Variants in DLG2 observed in about 807,000 individuals in gnomAD.
DLG2 encodes the protein discs large MAGUK scaffold protein 2.
DLG2 carries 45 observed loss-of-function variants against 132.5 expected under a neutral mutation model. The observed-to-expected ratio is 0.34, with a 90% confidence interval of 0.27 to 0.44. The LOEUF (loss-of-function observed/expected upper bound fraction) is 0.44. DLG2 is among the 20% of genes least tolerant of loss of function. The probability of loss-of-function intolerance (pLI) is 1.00; values close to 1 mark genes in which losing one functional copy is unlikely to be tolerated. For missense variants in DLG2, 1,045 were observed against 1,196.9 expected (o/e 0.87, Z 1.87); for synonymous variants, 424 against 419.6 (o/e 1.01, Z -0.13).
chr11:84,211,508 G>A (rs1051059879), intron 8 of DLG2, among the ~76,000 whole-genome samples: 4 of 152,148 alleles, frequency 2.6e-5, no homozygotes, highest in South Asian at 2.1e-4. Context: ...GCCTCCCAAA[G>A]TGCTGGGATT....
chr11:85,108,494 C>T (rs1456533796), intron 6 of DLG2, among the ~76,000 whole-genome samples: 2 of 151,964 alleles, frequency 1.3e-5, no homozygotes, highest in Admixed American at 1.3e-4. Flanking sequence ...GAATTTCATA[C>T]ATATCATAGT....
At chr11:83,963,103 A>G in intron 13 of DLG2, 80 bp from the exon 14 acceptor site, 2 of 1,482,902 alleles carry the variant, frequency 1.3e-6, no homozygotes, top group Middle Eastern at 1.8e-4. Context: ...AGAAAAATGT[A>G]TTAAAAACAG....
chr11:84,075,855 T>C (rs546541754), intron 10 of DLG2, among the ~76,000 whole-genome samples: 18 of 152,326 alleles, frequency 1.2e-4, no homozygotes, highest in African/African-American at 3.8e-4. Context: ...TTTGAGATTA[T>C]TGGTGACATT....
chr11:85,005,923 T>C (rs2058619072), intron 6 of DLG2, among the ~76,000 whole-genome samples: 1 of 152,248 alleles, frequency 6.6e-6, no homozygotes, highest in South Asian at 2.1e-4. Context: ...ATTGAGAGTT[T>C]TTAGCATGAA....
At chr11:83,603,748 G>A (rs2058920130) in intron 19 of DLG2, among the ~76,000 whole-genome samples, 1 of 152,058 alleles carries the variant, frequency 6.6e-6, no homozygotes. Flanking sequence ...TTTTAAGCAT[G>A]TTTTCATATG....
intron 3 of DLG2, among the ~76,000 whole-genome samples, chr11:85,595,024 C>T (rs1368432380): frequency 6.9e-6 from 1 of 145,196 alleles, no homozygotes; most frequent in Non-Finnish European, 1.5e-5. Context: ...GATATCGCAC[C>T]ACTGCACTCC....
rs573300219 is a variant in DLG2 at position 84,930,195 on chromosome 11, T to C, written c.357+181466A>G. ...ATCAGCCCCTACAGAGTCTTTTTTC[T>C]GAATGCCTTCAACATGTATTATTTG... On this transcript the variant is annotated intron_variant, in intron 6 of 27. Transcript: ENST00000376104. Among the ~76,000 whole-genome samples, 6 of 152,304 alleles carry C rather than the reference T, an allele frequency of 3.9e-5. No individual in the cohort carries two copies. The East Asian group carries it at 9.7e-4, about 25-fold the overall frequency.
At chr11:83,701,194 T>C (rs1592706340) in intron 18 of DLG2, among the ~76,000 whole-genome samples, 1 of 152,212 alleles carries the variant, frequency 6.6e-6, no homozygotes. Context: ...GCTCTGAAAG[T>C]AGAAAGATCT....
chr11:85,090,091 G>A (rs1424003278), intron 6 of DLG2, among the ~76,000 whole-genome samples: 2 of 152,120 alleles, frequency 1.3e-5, no homozygotes, highest in Non-Finnish European at 2.9e-5. Context: ...GTCCTCTTCT[G>A]TTGCAGAGAT....
intron 11 of DLG2, among the ~76,000 whole-genome samples, chr11:84,033,442 C>T (rs574178897): frequency 4.2e-4 from 64 of 152,116 alleles, no homozygotes; most frequent in Non-Finnish European, 7.1e-4. Context: ...GCTGCAATCT[C>T]GTAATAAAAC....
At chr11:83,907,384 A>G (rs2075207388) in intron 15 of DLG2, among the ~76,000 whole-genome samples, 1 of 152,186 alleles carries the variant, frequency 6.6e-6, no homozygotes. Context: ...AAAATAATAG[A>G]GAATAGAATT....
chr11:83,768,754 T>C (rs1031261089), intron 18 of DLG2, among the ~76,000 whole-genome samples: 1 of 152,196 alleles, frequency 6.6e-6, no homozygotes, highest in Non-Finnish European at 1.5e-5. Context: ...GTAAAATCCA[T>C]GAACTTCGCC....
At chr11:85,366,200 G>A (rs1194921729) in intron 3 of DLG2, among the ~76,000 whole-genome samples, 1 of 152,162 alleles carries the variant, frequency 6.6e-6, no homozygotes, top group African/African-American at 2.4e-5. Flanking sequence ...GAGAATATGA[G>A]AAACCTGTTG....
chr11:85,253,479 T>G (rs546750554), intron 4 of DLG2, among the ~76,000 whole-genome samples: 1 of 152,020 alleles, frequency 6.6e-6, no homozygotes, highest in Admixed American at 6.6e-5. Flanking sequence ...GGAGGGTGAA[T>G]AGAAGCAGGT....
chr11:83,546,187 C>T (rs1381865333), intron 19 of DLG2, among the ~76,000 whole-genome samples: 1 of 152,120 alleles, frequency 6.6e-6, no homozygotes, highest in African/African-American at 2.4e-5. Flanking sequence ...TGCAACATGG[C>T]TGTGAGATAC....
intron 6 of DLG2, among the ~76,000 whole-genome samples, chr11:84,647,487 G>T (rs2099676416): frequency 6.6e-6 from 1 of 152,188 alleles, no homozygotes; most frequent in South Asian, 2.1e-4. Flanking sequence ...CAGTGCGGTA[G>T]AAATGTTTTC....
At chr11:84,840,601 T>A (rs528411966) in intron 6 of DLG2, among the ~76,000 whole-genome samples, 54 of 152,154 alleles carry the variant, frequency 3.5e-4, no homozygotes, top group African/African-American at 1.2e-3. Context: ...CAAATGTCAA[T>A]CAATAATAGA....
intron 6 of DLG2, among the ~76,000 whole-genome samples, chr11:85,040,908 C>T (rs1433973438): frequency 2.6e-5 from 4 of 151,696 alleles, no homozygotes; most frequent in African/African-American, 2.4e-5. Flanking sequence ...GATGAGGAAA[C>T]TAAGAGAAAA....
intron 18 of DLG2, among the ~76,000 whole-genome samples, chr11:83,736,509 G>C (rs2091916293): frequency 6.6e-6 from 1 of 152,008 alleles, no homozygotes; most frequent in African/African-American, 2.4e-5. Flanking sequence ...CTATTTATTT[G>C]TTTGACTGAC....
Sources: gnomAD v4.1 joint callset for allele counts (sites outside exome capture counted in the v4.1 genomes callset) on GRCh38, gnomAD v4.1.1 for gene constraint, MANE v1.5 for transcripts, NCBI Gene and HGNC (gene_info 2026-07-23, HGNC 2026-07-21) for gene names.